ERICH6B: variants seen among roughly 807,000 people sequenced by gnomAD.
ERICH6B encodes glutamate-rich protein 6B.
In ERICH6B, 69 loss-of-function variants were observed where a neutral mutation model predicts 80.0. The observed-to-expected ratio is 0.86, with a 90% CI of 0.71 to 1.05. The LOEUF (loss-of-function observed/expected upper bound fraction) is 1.05, where lower values mean the gene tolerates loss of function less well. Ranked by LOEUF, ERICH6B falls within the 50% of genes least tolerant of loss-of-function variation. The pLI is 0.00. For missense variants in ERICH6B, 754 were observed against 796.1 expected (o/e 0.95, Z 0.64); for synonymous variants, 283 against 291.9 (o/e 0.97, Z 0.31).
intron 2 of ERICH6B, among the ~76,000 whole-genome samples, chr13:45,602,749 G>A (rs1376681627): frequency 6.6e-6 from 1 of 152,128 alleles, no homozygotes; most frequent in Non-Finnish European, 1.5e-5. Context: ...TCCACCAGGA[G>A]AGCAGTCTGG....
chr13:45,608,110 C>A (rs1949879372), intron 1 of ERICH6B, among the ~76,000 whole-genome samples: 1 of 152,180 alleles, frequency 6.6e-6, no homozygotes, highest in African/African-American at 2.4e-5. Context: ...GTGGCCACGT[C>A]CCATTGATTC....
rs1156250590 is a variant in ERICH6B at position 45,596,695 on chromosome 13, A to G, written c.311T>C (p.Leu104Pro). 6.4e-7 allele frequency: 1 copy of G among 1,551,788 alleles called. No individual in the cohort carries two copies. The highest frequency in any genetic ancestry group is 8.7e-7 in the Non-Finnish European group (1 of 1,147,002). Residue 104 changes from leucine (L) to proline (P), a missense_variant, in exon 3 of 15, where the codon CTG (leucine) becomes CCG (proline). Physicochemically the swap from Leu to Pro is moderately conservative, Grantham distance 98. Transcript: ENST00000298738. ...EEEYLEKAGY[L>P]EEEEYIEEEE... is the part of the protein sequence containing the mutation. ...CTCTTCAATATACTCTTCCTCCTCC[A>G]GATACCCTGCCTTCTCCAGATACTC...
In ERICH6B at chr13:45,597,007, C is replaced by T; in HGVS notation, c.-2G>A. ...TAACTGATTATTTTCAGCAGACATG[C>T]TGGGGAAGTCGTAGGTGGTGAACTC... On this transcript the variant is annotated 5_prime_UTR_variant, in exon 3 of 15. Transcript: ENST00000298738. 3 of 1,537,146 alleles carry T rather than the reference C, an allele frequency of 2.0e-6. No homozygotes were observed. The highest frequency in any genetic ancestry group is 2.6e-6 in the Non-Finnish European group (3 of 1,138,352).
intron 1 of ERICH6B, among the ~76,000 whole-genome samples, chr13:45,611,649 C>A (rs529201322): frequency 1.2e-4 from 18 of 152,186 alleles, no homozygotes; most frequent in Non-Finnish European, 2.5e-4. Context: ...GGTTAGGAAT[C>A]AGCTTGACAA....
At chr13:45,599,395 C>A (rs1949811555) in intron 2 of ERICH6B, among the ~76,000 whole-genome samples, 1 of 152,116 alleles carries the variant, frequency 6.6e-6, no homozygotes, top group African/African-American at 2.4e-5. Flanking sequence ...AAAACTGCAA[C>A]AAATTTAGTT....
At chr13:45,588,649 A>G (rs1876027452) in intron 4 of ERICH6B, among the ~76,000 whole-genome samples, 1 of 152,236 alleles carries the variant, frequency 6.6e-6, no homozygotes. Context: ...AATCTGCCAA[A>G]CAAACTTAGA....
intron 9 of ERICH6B, among the ~76,000 whole-genome samples, chr13:45,567,985 T>G (rs1285447151): frequency 6.6e-6 from 1 of 152,236 alleles, no homozygotes; most frequent in African/African-American, 2.4e-5. Context: ...CCTAGACTTT[T>G]GTACAAGTTC....
chr13:45,581,852 T>C (rs1875688235), intron 5 of ERICH6B, among the ~76,000 whole-genome samples: 1 of 152,200 alleles, frequency 6.6e-6, no homozygotes, highest in Admixed American at 6.5e-5. Flanking sequence ...CAGTGCCTAT[T>C]AGTTCTTCAG....
At position 45,596,758 on chromosome 13, in the gene ERICH6B, T is replaced by C. The variant is rs1566303908; in HGVS notation, c.248A>G (p.Glu83Gly). The C allele has an allele frequency of 6.4e-7, 1 of 1,551,668 alleles. No individual in the cohort carries two copies. The highest frequency in any genetic ancestry group is 8.7e-7 in the Non-Finnish European group (1 of 1,146,972). Residue 83 changes from glutamate to glycine, a missense_variant, in exon 3 of 15, where the codon GAA becomes GGA. Physicochemically the swap from Glu to Gly is moderately conservative, Grantham distance 98 (BLOSUM62 -2). Transcript: ENST00000298738. ...YLGKEEYLKE[E>G]EYLGKEEHLE... ...ATGCTCTTCCTTCCCCAGATACTCT[T>C]CCTCCTTCAAGTATTCTTCTTTCCC... is the stretch of plus-strand genomic sequence containing the variant.
At chr13:45,556,579 G>A (rs374772570) in intron 11 of ERICH6B, among the ~76,000 whole-genome samples, 1 of 152,068 alleles carries the variant, frequency 6.6e-6, no homozygotes, top group Admixed American at 6.6e-5. Flanking sequence ...AATCCCCAAA[G>A]TCTATTGTGT....
At chr13:45,597,151 C>A in intron 2 of ERICH6B, 88 bp from the exon 3 acceptor site, 1 of 959,430 alleles carries the variant, frequency 1.0e-6, no homozygotes. Flanking sequence ...TTATTTCATT[C>A]AGTAGTCTTT....
At chr13:45,600,997 C>A (rs992816687) in intron 2 of ERICH6B, among the ~76,000 whole-genome samples, 4 of 152,162 alleles carry the variant, frequency 2.6e-5, no homozygotes, top group African/African-American at 9.7e-5. Context: ...GATTTCTCAT[C>A]CTCCCCATGC....
At chr13:45,551,104 A>T (rs979920045) in intron 11 of ERICH6B, among the ~76,000 whole-genome samples, 1 of 152,208 alleles carries the variant, frequency 6.6e-6, no homozygotes, top group Non-Finnish European at 1.5e-5. Flanking sequence ...TGTCATAAAA[A>T]TTTTAAGTTT....
intron 8 of ERICH6B, among the ~76,000 whole-genome samples, chr13:45,569,216 C>T (rs1875050276): frequency 6.6e-6 from 1 of 152,150 alleles, no homozygotes; most frequent in Admixed American, 6.5e-5. Context: ...ACCTCCGCCT[C>T]CCGGGTTCAA....
chr13:45,579,277 G>T (rs1299520396), intron 7 of ERICH6B, among the ~76,000 whole-genome samples: 1 of 152,308 alleles, frequency 6.6e-6, no homozygotes, highest in East Asian at 1.9e-4. Flanking sequence ...AAGCCATGGG[G>T]TGGGGATGGA....
chr13:45,571,054 T>C (rs1443938386), intron 8 of ERICH6B, among the ~76,000 whole-genome samples: 1 of 152,206 alleles, frequency 6.6e-6, no homozygotes, highest in African/African-American at 2.4e-5. Flanking sequence ...CCATGTTGCT[T>C]GGAGACGTGC....
At chr13:45,605,976 T>C (rs905920327) in intron 2 of ERICH6B, among the ~76,000 whole-genome samples, 1 of 152,240 alleles carries the variant, frequency 6.6e-6, no homozygotes, top group East Asian at 1.9e-4. Flanking sequence ...TAGTGCCATA[T>C]TTGATATTCA....
rs1949863821 is a variant in ERICH6B at position 45,606,527 on chromosome 13, ATATATATATATATATATATAT to A, written c.-59+1016_-59+1036del. On this transcript the variant is annotated intron_variant, in intron 2 of 14. Transcript: ENST00000298738. ...TGTGTATATATATATATATATATAT[ATATATATATATATATATATAT>A]TTTTTTTTTTTTTTTTTTTTTTGGA... Among the ~76,000 whole-genome samples, 14 of 31,934 alleles carry A rather than the reference ATATATATATATATATATATAT, an allele frequency of 4.4e-4. 1 individual carries two copies. In the South Asian group the frequency reaches 0.015, roughly 34 times the overall value. 20.9% of individuals were successfully genotyped at this position (31,934 alleles called of 152,430 possible).
At chr13:45,544,694 C>G in intron 14 of ERICH6B, 66 bp downstream of exon 14, 2 of 1,405,724 alleles carry the variant, frequency 1.4e-6, no homozygotes, top group Admixed American at 4.0e-5. Context: ...CCAGTCCAAG[C>G]CAGCAGTGGC....
Sources: gnomAD v4.1 joint callset for allele counts (sites outside exome capture counted in the v4.1 genomes callset) on GRCh38, gnomAD v4.1.1 for gene constraint, MANE v1.5 for transcripts, NCBI Gene and HGNC (gene_info 2026-07-23, HGNC 2026-07-21) for gene names.